COL25A1: variants seen among roughly 807,000 people sequenced by gnomAD.
COL25A1 encodes collagen alpha-1(XXV) chain.
A neutral mutation model predicts 128.4 loss-of-function variants in COL25A1; 103 were observed. The observed-to-expected ratio is 0.80, with a 90% confidence interval of 0.68 to 0.94. The LOEUF is 0.94. Ranked by LOEUF, COL25A1 falls within the 40% of genes least tolerant of loss-of-function variation. The pLI, the probability that COL25A1 is intolerant of heterozygous loss-of-function variation, is 0.00. For missense variants in COL25A1, 745 were observed against 840.0 expected (o/e 0.89, Z 1.40); for synonymous variants, 279 against 277.2 (o/e 1.01, Z -0.06).
At chr4:108,846,278 C>A in intron 27 of COL25A1, 59 bp from the exon 28 acceptor site, 1 of 964,594 alleles carries the variant, frequency 1.0e-6, no homozygotes, top group Non-Finnish European at 1.6e-6. Context: ...ATAATTACAT[C>A]CTAGGGAAAA....
rs912791090 is a variant in COL25A1, at chr4:109,181,464, A to T, written c.367+119119T>A. Reference sequence around the variant, plus strand: ...ACACAGATTTAATTTCTATGTAAAGATATCAGATTATATGGTTATATATAT... The same window carrying T: ...ACACAGATTTAATTTCTATGTAAAGTTATCAGATTATATGGTTATATATAT... On this transcript the variant is annotated intron_variant, in intron 3 of 37. Transcript: ENST00000399132. Among the ~76,000 whole-genome samples, 3 of 152,158 alleles carry T rather than the reference A, an allele frequency of 2.0e-5. No individual in the cohort carries two copies. The East Asian group carries it at 5.8e-4, about 29-fold the overall frequency.
At chr4:109,001,333 C>T (rs1392449159) in intron 6 of COL25A1, among the ~76,000 whole-genome samples, 1 of 152,282 alleles carries the variant, frequency 6.6e-6, no homozygotes, top group Non-Finnish European at 1.5e-5. Context: ...ATCTTCGCAG[C>T]GTGCAGAATG....
At chr4:108,855,191 G>GTTTTTTTTTT (rs35873529) in intron 24 of COL25A1, among the ~76,000 whole-genome samples, 4 of 131,952 alleles carry the variant, frequency 3.0e-5, no homozygotes, top group Admixed American at 1.5e-4. Flanking sequence ...TGTTGTTACT[G>GTTTTTTTTTT]TTTTTTTTTT....
intron 16 of COL25A1, 68 bp from the exon 17 acceptor site, chr4:108,889,801 G>C (rs1741275422): frequency 5.0e-6 from 7 of 1,402,664 alleles, no homozygotes; most frequent in Non-Finnish European, 7.1e-6. Flanking sequence ...AGCACTCAGA[G>C]AGCCATCACC....
intron 6 of COL25A1, among the ~76,000 whole-genome samples, chr4:108,987,011 G>A (rs1319762223): frequency 1.3e-5 from 2 of 152,158 alleles, no homozygotes; most frequent in Non-Finnish European, 2.9e-5. Flanking sequence ...CTGGGTGATA[G>A]GTCTAGGTCA....
chr4:108,980,809 G>C (rs948886777), intron 6 of COL25A1, among the ~76,000 whole-genome samples: 1 of 152,198 alleles, frequency 6.6e-6, no homozygotes. Flanking sequence ...ATAGTCTGCT[G>C]TACAAGCCGT....
intron 3 of COL25A1, among the ~76,000 whole-genome samples, chr4:109,069,808 T>C (rs1464599879): frequency 6.6e-6 from 1 of 152,198 alleles, no homozygotes; most frequent in Non-Finnish European, 1.5e-5. Context: ...ATGTGGAAGC[T>C]GCTGGCTTCT....
intron 8 of COL25A1, among the ~76,000 whole-genome samples, chr4:108,954,596 C>T (rs1038416352): frequency 1.3e-5 from 2 of 151,876 alleles, no homozygotes; most frequent in African/African-American, 4.8e-5. Flanking sequence ...AATGAGGGCT[C>T]AAAATATGCC....
chr4:108,975,807 T>G (rs1752374804), intron 6 of COL25A1, among the ~76,000 whole-genome samples: 2 of 152,312 alleles, frequency 1.3e-5, no homozygotes, highest in South Asian at 4.1e-4. Context: ...TTACATCCTT[T>G]TTCATAAAGT....
chr4:108,846,593 T>C (rs1299828532), intron 27 of COL25A1, among the ~76,000 whole-genome samples: 2 of 152,158 alleles, frequency 1.3e-5, no homozygotes, highest in Admixed American at 1.3e-4. Flanking sequence ...TGGGACCTAG[T>C]GTTATATAAT....
chr4:108,834,575 C>A (rs1004130086), intron 31 of COL25A1, among the ~76,000 whole-genome samples: 4 of 151,704 alleles, frequency 2.6e-5, no homozygotes, highest in Admixed American at 2.6e-4. Flanking sequence ...ATGACAAACA[C>A]CCCACAGATG....
At chr4:108,900,865 T>A (rs562616910) in intron 14 of COL25A1, among the ~76,000 whole-genome samples, 2 of 152,158 alleles carry the variant, frequency 1.3e-5, no homozygotes, top group Non-Finnish European at 2.9e-5. Flanking sequence ...CCTATTCATG[T>A]TATTTAAGTA....
chr4:109,140,599 C>T (rs933694878), intron 3 of COL25A1, among the ~76,000 whole-genome samples: 2 of 152,108 alleles, frequency 1.3e-5, no homozygotes, highest in Non-Finnish European at 2.9e-5. Context: ...TGTGTCCTCT[C>T]TTATTTCCTT....
intron 3 of COL25A1, among the ~76,000 whole-genome samples, chr4:109,166,934 T>C (rs1375977892): frequency 1.3e-5 from 2 of 152,202 alleles, no homozygotes; most frequent in Non-Finnish European, 2.9e-5. Flanking sequence ...CTGGAAAATC[T>C]GCAAGAGGAA....
intron 5 of COL25A1, among the ~76,000 whole-genome samples, chr4:109,047,728 C>G (rs868022239): frequency 3.0e-5 from 4 of 132,194 alleles, no homozygotes; most frequent in Non-Finnish European, 4.9e-5. Flanking sequence ...TAAGTATACT[C>G]TTTTTTTTTT....
chr4:108,970,712 C>T (rs925750373), intron 8 of COL25A1, among the ~76,000 whole-genome samples: 2 of 152,162 alleles, frequency 1.3e-5, no homozygotes, highest in Non-Finnish European at 2.9e-5. Context: ...CTAAAACCCT[C>T]CCCACCAGCC....
intron 6 of COL25A1, among the ~76,000 whole-genome samples, chr4:109,004,305 A>T (rs1220823404): frequency 1.3e-5 from 2 of 152,162 alleles, no homozygotes; most frequent in African/African-American, 4.8e-5. Flanking sequence ...AATAATAGAC[A>T]GTTTCCCTTT....
At chr4:109,293,474 A>G (rs568571180) in intron 3 of COL25A1, among the ~76,000 whole-genome samples, 2 of 152,202 alleles carry the variant, frequency 1.3e-5, no homozygotes, top group African/African-American at 4.8e-5. Flanking sequence ...CAATATTACC[A>G]TAATGTACAA....
At position 108,841,692 on chromosome 4, in the gene COL25A1, T is replaced by C; in HGVS notation, c.1656+3A>G. 1 of 1,611,322 alleles carries C rather than the reference T, an allele frequency of 6.2e-7. No homozygotes were observed. Among genetic ancestry groups the C allele is most frequent in the Non-Finnish European group, 8.5e-7 (1 of 1,177,652 alleles). ...CAAATAATCAAGGGATTTGTTGGAT[T>C]ACCTTTGGTCCAGGAAGTCCATGAG... On this transcript the variant is annotated splice_donor_region_variant and intron_variant, in intron 31 of 37. Coordinates refer to ENST00000399132, the MANE Select transcript of COL25A1 (RefSeq NM_198721.4).
Sources: allele counts gnomAD v4.1 joint callset (sites outside exome capture counted in the v4.1 genomes callset), GRCh38; gene constraint gnomAD v4.1.1; transcripts MANE v1.5; gene names NCBI Gene and HGNC (gene_info 2026-07-23, HGNC 2026-07-21).